Variants in GCDH observed in about 807,000 individuals in gnomAD.
The protein encoded by GCDH is glutaryl-CoA dehydrogenase, mitochondrial.
Under a neutral mutation model 52.8 loss-of-function variants are expected in GCDH, and 31 were observed. That is an observed-to-expected ratio of 0.59 (90% CI 0.44 to 0.79). The LOEUF (loss-of-function observed/expected upper bound fraction) is 0.79, where lower values mean the gene tolerates loss of function less well. Among genes scored for constraint, GCDH ranks in the 30% least tolerant of loss-of-function variants. The pLI, the probability that GCDH is intolerant of heterozygous loss-of-function variation, is 0.00. For missense variants in GCDH, 509 were observed against 595.0 expected (o/e 0.86, Z 1.50); for synonymous variants, 242 against 250.0 (o/e 0.97, Z 0.30).
At chr19:12,897,679 G>A in intron 10 of GCDH, 24 bp from the exon 11 acceptor site, 1 of 1,613,838 alleles carries the variant, frequency 6.2e-7, no homozygotes, top group Non-Finnish European at 8.5e-7. Context: ...CCCAGTCCTT[G>A]TTACCCTCAT....
chr19:12,894,076 G>A (rs1970618155), intron 6 of GCDH: 9 of 757,170 alleles, frequency 1.2e-5, no homozygotes, highest in South Asian at 9.7e-5. Context: ...TGTGACCTGC[G>A]CTAAGTGGAC....
chr19:12,894,704 C>A, intron 6 of GCDH: 1 of 788,708 alleles, frequency 1.3e-6, no homozygotes, highest in Non-Finnish European at 2.1e-6. Flanking sequence ...CAAACAGCGG[C>A]GTATTGCTCT....
intron 6 of GCDH, chr19:12,894,933 C>T (rs889003829): frequency 2.0e-5 from 8 of 399,164 alleles, no homozygotes; most frequent in Non-Finnish European, 3.7e-5. Flanking sequence ...AAAAAACCCA[C>T]AAGGCCCTGT....
chr19:12,898,808 T>C (rs1178799891), intron 11 of GCDH: 1 of 169,690 alleles, frequency 5.9e-6, no homozygotes, highest in Non-Finnish European at 1.3e-5. Flanking sequence ...GTTTGTACTT[T>C]AGGAAGTAAA....
At chr19:12,897,206 C>A in intron 9 of GCDH, 97 bp from the exon 10 acceptor site, 1 of 1,505,046 alleles carries the variant, frequency 6.6e-7, no homozygotes. Flanking sequence ...GGCACTGAGG[C>A]AGCCTGGGAA....
Position 12,891,472 on chromosome 19 carries a change from G to A in GCDH, c.92-15G>A. ...AGGGACTTTCCGGGGTGACTTTCCC[G>A]TTCTGTGCTTGCAGAGAAAGGCGGG... On this transcript the variant is annotated splice_polypyrimidine_tract_variant and intron_variant, in intron 2 of 11. Transcript: ENST00000222214. 6.2e-7 allele frequency: 1 copy of A among 1,614,234 alleles called. No individual in the cohort carries two copies. Among genetic ancestry groups the A allele is most frequent in the Non-Finnish European group, 8.5e-7 (1 of 1,180,036 alleles).
At position 12,899,555 on chromosome 19, in the gene GCDH, G is replaced by T; in HGVS notation, c.*14G>T. The stretch of plus-strand genomic sequence containing the variant: ...GCCAGCAAGTGAGCCGCTCCATCAG[G>T]GGCCCGAAACTCTCAAGCCCCTTTC... On this transcript the variant is annotated 3_prime_UTR_variant, in exon 12 of 12. Coordinates refer to ENST00000222214, the MANE Select transcript of GCDH (RefSeq NM_000159.4). 1 of 1,614,132 alleles carries T rather than the reference G, an allele frequency of 6.2e-7. No homozygotes were observed. Among genetic ancestry groups the T allele is most frequent in the Non-Finnish European group, 8.5e-7 (1 of 1,180,010 alleles).
At chr19:12,891,773 C>G in intron 3 of GCDH, 58 bp from the exon 4 acceptor site, 2 of 1,611,014 alleles carry the variant, frequency 1.2e-6, no homozygotes, top group Non-Finnish European at 8.5e-7. Context: ...GATGAGGGTC[C>G]GAGAAGGGAG....
intron 5 of GCDH, chr19:12,892,383 C>T (rs1306258060): frequency 2.1e-5 from 13 of 620,236 alleles, no homozygotes; most frequent in Middle Eastern, 4.3e-4. Context: ...ATTCTGCCTC[C>T]CAGGCTCAAG....
chr19:12,893,992 A>G (rs1311332404), intron 6 of GCDH: 6 of 581,722 alleles, frequency 1.0e-5, no homozygotes, highest in African/African-American at 7.5e-5. Flanking sequence ...CTTGAGCCCA[A>G]GAGTTCGAAA....
At chr19:12,892,490 C>T in intron 5 of GCDH, 2 of 434,804 alleles carry the variant, frequency 4.6e-6, no homozygotes, top group East Asian at 4.9e-5. Context: ...CAGGGTTTCA[C>T]TGTGTTGGCC....
chr19:12,899,540 G>A lies in GCDH; in HGVS notation c.1316G>A (p.Ter439=). 1 of 1,614,162 alleles carries A rather than the reference G, an allele frequency of 6.2e-7. No homozygotes were observed. Among genetic ancestry groups the A allele is most frequent in the Non-Finnish European group, 8.5e-7 (1 of 1,180,004 alleles). ...ATCCAGGCGTTCACGGCCAGCAAGT[G>A]AGCCGCTCCATCAGGGGCCCGAAAC... ...TGIQAFTASK[*] is the part of the protein sequence containing the mutation. The change falls in exon 12 of 12, where the codon TGA becomes TAA. Residue 439 remains the stop codon, a stop_retained_variant. Transcript: ENST00000222214.
chr19:12,895,648 G>T (rs1290246932), intron 6 of GCDH, among the ~76,000 whole-genome samples: 24 of 151,570 alleles, frequency 1.6e-4, no homozygotes, highest in Admixed American at 1.6e-3. Flanking sequence ...GTCTTGCTCT[G>T]TTGCCCAGGC....
chr19:12,895,342 C>T (rs1445724771), intron 6 of GCDH, among the ~76,000 whole-genome samples: 1 of 152,138 alleles, frequency 6.6e-6, no homozygotes, highest in Non-Finnish European at 1.5e-5. Context: ...TCACTGCAAC[C>T]TGCGGTTCCC....
intron 3 of GCDH, 45 bp downstream of exon 3, chr19:12,891,567 C>A (rs1970557003): frequency 6.2e-7 from 1 of 1,613,920 alleles, no homozygotes. Flanking sequence ...CCCTGTTCAG[C>A]TGTCTGTCTG....
chr19:12,897,471 T>C, intron 10 of GCDH, 43 bp downstream of exon 10: 5 of 1,604,644 alleles, frequency 3.1e-6, no homozygotes, highest in Non-Finnish European at 4.3e-6. Context: ...CAGCGGTGGC[T>C]GGAGGACCTT....
At chr19:12,894,409 AAG>A (rs1251211524) in intron 6 of GCDH, 3 of 753,076 alleles carry the variant, frequency 4.0e-6, no homozygotes, top group Non-Finnish European at 5.0e-6. Flanking sequence ...TGGAGAAAGA[AAG>A]AGAAGATCAG....
At chr19:12,897,078 C>A in intron 9 of GCDH, 65 bp downstream of exon 9, 1 of 1,338,904 alleles carries the variant, frequency 7.5e-7, no homozygotes, top group Non-Finnish European at 1.1e-6. Context: ...CTCTCTATAC[C>A]ATGGGTGACT....
chr19:12,895,590 G>T (rs1373000927), intron 6 of GCDH, among the ~76,000 whole-genome samples: 2 of 151,452 alleles, frequency 1.3e-5, no homozygotes, highest in Non-Finnish European at 2.9e-5. Flanking sequence ...TAGAGATGGG[G>T]TTTCACCATA....
Sources: gnomAD v4.1 joint callset for allele counts (sites outside exome capture counted in the v4.1 genomes callset) on GRCh38, gnomAD v4.1.1 for gene constraint, MANE v1.5 for transcripts, NCBI Gene and HGNC (gene_info 2026-07-23, HGNC 2026-07-21) for gene names.